Variants in ZBTB16 observed in about 807,000 individuals in gnomAD.
ZBTB16 encodes zinc finger and BTB domain containing 16.
Under a neutral mutation model 56.8 loss-of-function variants are expected in ZBTB16, and 8 were observed. The observed-to-expected ratio is 0.14, with a 90% CI of 0.08 to 0.25. The LOEUF is 0.25. ZBTB16 is among the 10% of genes least tolerant of loss of function. ZBTB16 has a pLI of 1.00. For missense variants in ZBTB16, 625 were observed against 903.0 expected (o/e 0.69, Z 3.95); for synonymous variants, 363 against 368.5 (o/e 0.98, Z 0.17).
intron 3 of ZBTB16, among the ~76,000 whole-genome samples, chr11:114,183,999 C>T (rs1393639405): frequency 2.0e-5 from 3 of 152,230 alleles, no homozygotes; most frequent in Admixed American, 1.3e-4. Context: ...CCAGAGGTCA[C>T]CATGGGATTC....
chr11:114,231,357 C>CTCTATCA (rs1414770125), intron 4 of ZBTB16, among the ~76,000 whole-genome samples: 1 of 152,158 alleles, frequency 6.6e-6, no homozygotes, highest in Non-Finnish European at 1.5e-5. Context: ...CTCTATCATT[C>CTCTATCA]TGCTGCTGGG....
At chr11:114,179,601 A>T (rs1943198246) in intron 3 of ZBTB16, among the ~76,000 whole-genome samples, 1 of 152,172 alleles carries the variant, frequency 6.6e-6, no homozygotes, top group African/African-American at 2.4e-5. Flanking sequence ...GAAAAAAAGG[A>T]CACACCACTC....
At chr11:114,174,322 T>C (rs1473681438) in intron 3 of ZBTB16, among the ~76,000 whole-genome samples, 1 of 151,746 alleles carries the variant, frequency 6.6e-6, no homozygotes, top group Non-Finnish European at 1.5e-5. Context: ...GTTTTTTTTT[T>C]TTTTCTTTTA....
intron 2 of ZBTB16, among the ~76,000 whole-genome samples, chr11:114,091,608 C>CCCTCCCTCCCTCCCTT (rs1182388317): frequency 7.2e-6 from 1 of 138,742 alleles, no homozygotes; most frequent in African/African-American, 2.6e-5. Flanking sequence ...GTTCCTCCCT[C>CCCTCCCTCCCTCCCTT]CCTCCCTCCC....
At position 114,060,950 on chromosome 11, in the gene ZBTB16, C is replaced by G. The variant is rs1486851580; in HGVS notation, c.-91+1068C>G. 6.6e-6 allele frequency among the ~76,000 whole-genome samples: 1 copy of G among 152,146 alleles called. No individual in the cohort carries two copies. The highest frequency in any genetic ancestry group is 2.4e-5 in the African/African-American group (1 of 41,446). On this transcript the variant is annotated intron_variant, in intron 1 of 6. Coordinates refer to ENST00000335953, the MANE Select transcript of ZBTB16 (RefSeq NM_006006.6). The surrounding 1 kb of genome is among the most constrained non-coding windows in gnomAD (Gnocchi z 6.0). ...GGGCTTTTGTGCTTCCCCTTCGCCGCGGGGCGGGTCCGCCTCCCCTGCCGC... is the reference window on the plus strand; with the variant it reads ...GGGCTTTTGTGCTTCCCCTTCGCCGGGGGGCGGGTCCGCCTCCCCTGCCGC...
intron 2 of ZBTB16, among the ~76,000 whole-genome samples, chr11:114,086,015 G>C (rs762095981): frequency 2.6e-5 from 4 of 152,094 alleles, no homozygotes; most frequent in Non-Finnish European, 5.9e-5. Context: ...AGTGATGGGG[G>C]TGGTGGTGGT....
At chr11:114,241,437 C>T (rs551657429) in intron 4 of ZBTB16, among the ~76,000 whole-genome samples, 12 of 152,188 alleles carry the variant, frequency 7.9e-5, no homozygotes, top group South Asian at 2.1e-4. Context: ...ATATTAGTGG[C>T]GACATTAGAT....
At chr11:114,178,069 G>A (rs79872429) in intron 3 of ZBTB16, among the ~76,000 whole-genome samples, 1 of 152,178 alleles carries the variant, frequency 6.6e-6, no homozygotes, top group Non-Finnish European at 1.5e-5. Flanking sequence ...GGAGCAGACG[G>A]TAGGGGTGTC....
Position 114,156,367 on chromosome 11 carries a change from G to A in ZBTB16, c.1299G>A (p.Gly433=), listed in dbSNP as rs1206270350. 1.2e-6 allele frequency: 2 copies of A among 1,614,238 alleles called. No homozygotes were observed. The highest frequency in any genetic ancestry group is 1.1e-5 in the South Asian group (1 of 91,092). ...TGCACAGTGGGATGAAGACGTACGG[G>A]TGCGAGCTCTGCGGGAAGCGGTTCC... The part of the protein sequence containing the change: ...RKLHSGMKTY[G]CELCGKRFLD... The change falls in exon 3 of 7, where the codon GGG becomes GGA. Residue 433 remains glycine (G), a synonymous_variant. Transcript: ENST00000335953.
At chr11:114,102,470 C>T (rs979455099) in intron 2 of ZBTB16, among the ~76,000 whole-genome samples, 12 of 152,134 alleles carry the variant, frequency 7.9e-5, no homozygotes, top group African/African-American at 2.9e-4. Flanking sequence ...TCCTTCATCA[C>T]AGCAGTGGTA....
At chr11:114,169,870 G>A (rs1942906916) in intron 3 of ZBTB16, among the ~76,000 whole-genome samples, 1 of 152,158 alleles carries the variant, frequency 6.6e-6, no homozygotes, top group Non-Finnish European at 1.5e-5. Flanking sequence ...GTGCTGTGGT[G>A]GGAGTGGCCT....
Position 114,078,652 on chromosome 11 carries a change from A to G in ZBTB16, c.1268+14084A>G, listed in dbSNP as rs1487800351. Reference sequence around the variant, plus strand: ...CTGGGAAGTTGAAACAGCTAGCTCAAAGTCCAAGAGATGCTAAAGATAGTG... The same window carrying G: ...CTGGGAAGTTGAAACAGCTAGCTCAGAGTCCAAGAGATGCTAAAGATAGTG... On this transcript the variant is annotated intron_variant, in intron 2 of 6. Coordinates refer to ENST00000335953, the MANE Select transcript of ZBTB16 (RefSeq NM_006006.6). Among the ~76,000 whole-genome samples the G allele has an allele frequency of 3.3e-5, 5 of 152,312 alleles. No individual in the cohort carries two copies. In the East Asian group the frequency reaches 5.8e-4, roughly 18 times the overall value.
chr11:114,124,572 A>AT (rs1941446685), intron 2 of ZBTB16, among the ~76,000 whole-genome samples: 1 of 147,926 alleles, frequency 6.8e-6, no homozygotes, highest in South Asian at 2.2e-4. Flanking sequence ...AAAAAAAAAA[A>AT]CAAAAACAAA....
At chr11:114,076,146 C>T (rs1001527015) in intron 2 of ZBTB16, among the ~76,000 whole-genome samples, 2 of 152,108 alleles carry the variant, frequency 1.3e-5, no homozygotes, top group African/African-American at 2.4e-5. Flanking sequence ...AAAGAGGGGC[C>T]GCTGGGGGAA....
intron 3 of ZBTB16, among the ~76,000 whole-genome samples, chr11:114,179,293 A>AGAGC (rs1381393124): frequency 6.6e-6 from 1 of 151,974 alleles, no homozygotes; most frequent in African/African-American, 2.4e-5. Flanking sequence ...AGAGAGAGAG[A>AGAGC]GAGAGAGCCT....
rs912438439 is a variant in ZBTB16 at position 114,233,817 on chromosome 11, A to T, written c.1454-8350A>T. ...GTGAGCTGACAAATTTGTTTACTGT[A>T]GCTGGAGGTGCCGAGTAATGAAATG... On this transcript the variant is annotated intron_variant, in intron 4 of 6. Transcript: ENST00000335953. Among the ~76,000 whole-genome samples the T allele has an allele frequency of 4.6e-5, 7 of 152,258 alleles. No individual in the cohort carries two copies. The East Asian group carries it at 1.4e-3, about 29-fold the overall frequency.
chr11:114,150,913 G>C (rs553721775), intron 2 of ZBTB16, among the ~76,000 whole-genome samples: 4 of 152,322 alleles, frequency 2.6e-5, no homozygotes, highest in African/African-American at 7.2e-5. Flanking sequence ...CTGCATGTCA[G>C]CACCAACTGC....
At chr11:114,110,799 A>G (rs554613221) in intron 2 of ZBTB16, among the ~76,000 whole-genome samples, 20 of 152,220 alleles carry the variant, frequency 1.3e-4, no homozygotes, top group Middle Eastern at 3.2e-3. Flanking sequence ...GGGAGAAAAT[A>G]TTCTTGGCAA....
intron 2 of ZBTB16, among the ~76,000 whole-genome samples, chr11:114,073,986 T>G (rs1444058887): frequency 2.0e-5 from 3 of 152,208 alleles, no homozygotes; most frequent in Non-Finnish European, 2.9e-5. Context: ...TGGACTTGGG[T>G]TTGAATACTA....
Sources: allele counts gnomAD v4.1 joint callset (sites outside exome capture counted in the v4.1 genomes callset), GRCh38; gene constraint gnomAD v4.1.1; non-coding constraint Gnocchi (gnomAD v3.1); transcripts MANE v1.5; gene names NCBI Gene and HGNC (gene_info 2026-07-23, HGNC 2026-07-21).